The following LRP8 variants were observed in gnomAD, a reference collection of about 807,000 sequenced individuals.
The protein encoded by LRP8 is low-density lipoprotein receptor-related protein 8.
In LRP8, 46 loss-of-function variants were observed where a neutral mutation model predicts 111.6. The observed-to-expected ratio is 0.41, with a 90% CI of 0.33 to 0.53. The LOEUF is 0.53. Ranked by LOEUF, LRP8 falls within the 20% of genes least tolerant of loss-of-function variation. The pLI is 0.20. For synonymous variants in LRP8, 464 were observed against 511.2 expected, an observed-to-expected ratio of 0.91 and a Z score of 1.24; for missense variants, 959 against 1,297.4, an observed-to-expected ratio of 0.74 and a Z score of 4.01.
In LRP8 at chr1:53,321,920, T is replaced by C. The variant is rs146553874; in HGVS notation, c.244+4953A>G. ...GCCCTAGGCCTGTTTGACTCATTTC[T>C]TCCCCCAGCTCCTTTCCAAGCAGCT... On this transcript the variant is annotated intron_variant, in intron 2 of 18. Transcript: ENST00000306052. Among the ~76,000 whole-genome samples the C allele has an allele frequency of 5.9e-5, 9 of 152,270 alleles. No individual in the cohort carries two copies. In the East Asian group the frequency reaches 1.2e-3, roughly 20 times the overall value.
intron 2 of LRP8, among the ~76,000 whole-genome samples, chr1:53,291,024 T>G (rs1648647666): frequency 6.6e-6 from 1 of 152,052 alleles, no homozygotes; most frequent in African/African-American, 2.4e-5. Context: ...CAGAACAAGG[T>G]GAGGAAGAGA....
Position 53,266,330 on chromosome 1 carries a change from T to G in LRP8, c.1427+143A>C, listed in dbSNP as rs527356453. ...CCAGTAAAGTCCCAGAAGTTCCATA[T>G]CCACTGTGATCCTGCATCTCTTCCC... On this transcript the variant is annotated intron_variant, in intron 9 of 18. Transcript: ENST00000306052. The surrounding 1 kb of genome is among the most constrained non-coding windows in gnomAD (Gnocchi z 5.0). The G allele has an allele frequency of 2.5e-6, 2 of 800,132 alleles. No individual in the cohort carries two copies. Among genetic ancestry groups the G allele is most frequent in the Non-Finnish European group, 4.0e-6 (2 of 504,924 alleles). The allele number at this position is 800,132 out of a possible 1,614,324, so 49.6% of individuals were successfully genotyped here.
intron 2 of LRP8, among the ~76,000 whole-genome samples, chr1:53,323,321 C>A (rs564930478): frequency 3.9e-5 from 6 of 152,162 alleles, no homozygotes; most frequent in Non-Finnish European, 8.8e-5. Flanking sequence ...AATAGAGGAA[C>A]GAGGGGCGAT....
At chr1:53,319,547 C>T (rs573539850) in intron 2 of LRP8, among the ~76,000 whole-genome samples, 34 of 152,204 alleles carry the variant, frequency 2.2e-4, no homozygotes, top group Admixed American at 2.6e-4. Flanking sequence ...CAGCTAGGCC[C>T]GGCTCTCCCA....
chr1:53,244,894 G>A lies in LRP8; in HGVS notation c.*2124C>T. On this transcript the variant is annotated 3_prime_UTR_variant, in exon 19 of 19. Coordinates refer to ENST00000306052, the MANE Select transcript of LRP8 (RefSeq NM_004631.5). ...TCCGTTCTTAAAAGAATAGTAATATGTGAGTAAGCTCCATAGGAGTTGGCC... is the reference window on the plus strand; with the variant it reads ...TCCGTTCTTAAAAGAATAGTAATATATGAGTAAGCTCCATAGGAGTTGGCC... 6.6e-6 allele frequency: 1 copy of A among 152,168 alleles called. No individual in the cohort carries two copies. Among genetic ancestry groups the A allele is most frequent in the East Asian group, 1.9e-4 (1 of 5,196 alleles). The allele number at this position is 152,168 out of a possible 1,614,324, so 9.4% of individuals were successfully genotyped here.
chr1:53,304,347 C>A (rs1651550601), intron 2 of LRP8, among the ~76,000 whole-genome samples: 1 of 152,122 alleles, frequency 6.6e-6, no homozygotes, highest in African/African-American at 2.4e-5. Context: ...AAAGGCAGGC[C>A]CACGCGCAGC....
At chr1:53,316,934 A>G (rs1239990336) in intron 2 of LRP8, among the ~76,000 whole-genome samples, 1 of 152,022 alleles carries the variant, frequency 6.6e-6, no homozygotes, top group Non-Finnish European at 1.5e-5. Flanking sequence ...CCTGGTGGGG[A>G]GGCGGGGAGC....
chr1:53,327,124 G>A (rs1655244084), intron 1 of LRP8, 132 bp from the exon 2 acceptor site: 4 of 1,263,676 alleles, frequency 3.2e-6, no homozygotes, highest in African/African-American at 1.5e-5. Context: ...GGGGCTTCAG[G>A]CACACTCCAT....
Position 53,280,702 on chromosome 1 carries a change from A to G in LRP8, c.381T>C (p.Cys127=), listed in dbSNP as rs1228128260. 12 of 1,611,954 alleles carry G rather than the reference A, an allele frequency of 7.4e-6. No individual in the cohort carries two copies. Among genetic ancestry groups the G allele is most frequent in the Non-Finnish European group, 9.3e-6 (11 of 1,179,996 alleles). Residue 127 remains cysteine, a synonymous_variant, in exon 4 of 19, where the codon TGT becomes TGC. Transcript: ENST00000306052. ...ESEATCTKQV[C]PAEKLSCGPT... ...GTCCACAGCTCAGCTTCTCTGCAGGACACACCTGCTTGGCTGTGGAGACAG... is the reference window on the plus strand; with the variant it reads ...GTCCACAGCTCAGCTTCTCTGCAGGGCACACCTGCTTGGCTGTGGAGACAG...
chr1:53,327,236 C>T (rs12075098), intron 1 of LRP8: 2 of 544,486 alleles, frequency 3.7e-6, no homozygotes, highest in African/African-American at 3.8e-5. Flanking sequence ...CCTGGGTATA[C>T]CCTCCATTCA....
chr1:53,257,612 G>C, intron 14 of LRP8, 148 bp from the exon 15 acceptor site: 1 of 633,726 alleles, frequency 1.6e-6, no homozygotes, highest in Admixed American at 2.8e-5. Flanking sequence ...AGTGGGCTAT[G>C]ATCTTTTCTT....
intron 6 of LRP8, among the ~76,000 whole-genome samples, chr1:53,274,517 T>G (rs777602431): frequency 6.6e-6 from 1 of 152,202 alleles, no homozygotes; most frequent in Non-Finnish European, 1.5e-5. Context: ...TTTGTAGAGA[T>G]GTAGACCAGA....
chr1:53,268,948 C>A (rs1572490197), intron 8 of LRP8, among the ~76,000 whole-genome samples: 1 of 152,174 alleles, frequency 6.6e-6, no homozygotes, highest in Non-Finnish European at 1.5e-5. Context: ...AAGTGGTTTC[C>A]CTGCCTTCTC....
intron 8 of LRP8, chr1:53,267,312 TA>T (rs56136757): frequency 0.03 from 4,420 of 148,710 alleles, 83 homozygotes; most frequent in Non-Finnish European, 0.044. Flanking sequence ...AAAATAAAAA[TA>T]AAAAAAAAAT....
chr1:53,297,370 C>G (rs1233088548), intron 2 of LRP8, among the ~76,000 whole-genome samples: 1 of 152,220 alleles, frequency 6.6e-6, no homozygotes, highest in Non-Finnish European at 1.5e-5. Flanking sequence ...TCTCTGACTA[C>G]TCAAGGCTCG....
chr1:53,284,437 G>A (rs933332772), intron 3 of LRP8, among the ~76,000 whole-genome samples: 3 of 152,126 alleles, frequency 2.0e-5, no homozygotes, highest in South Asian at 2.1e-4. Context: ...GCGAGAGACC[G>A]AGCCTGGGTT....
Position 53,249,554 on chromosome 1 carries a change from T to G in LRP8, c.2679A>C (p.Ala893=). 6.3e-7 allele frequency: 1 copy of G among 1,595,738 alleles called. No individual in the cohort carries two copies. Among genetic ancestry groups the G allele is most frequent in the Middle Eastern group, 1.7e-4 (1 of 5,988 alleles). The change falls in exon 18 of 19, where the codon GCA becomes GCC. Residue 893 remains alanine, a splice_region_variant and synonymous_variant. Transcript: ENST00000306052. The surrounding 1 kb of genome is among the most constrained non-coding windows in gnomAD (Gnocchi z 4.1). The part of the protein sequence containing the change: ...TAQIGHVYPA[A]ISSFDRPLWA... The stretch of plus-strand genomic sequence containing the variant: ...ACAGTGGGCGATCAAAGCTGCTGAT[T>G]GCCTGACAGGGGGATGGCACTGTGG...
intron 8 of LRP8, chr1:53,267,417 A>G (rs2100395244): frequency 6.6e-6 from 1 of 152,320 alleles, no homozygotes; most frequent in South Asian, 2.1e-4. Context: ...GGCTGCAGTG[A>G]GCCATGATTG....
Position 53,266,405 on chromosome 1 carries a change from C to T in LRP8, c.1427+68G>A. On this transcript the variant is annotated intron_variant, in intron 9 of 18. Coordinates refer to ENST00000306052, the MANE Select transcript of LRP8 (RefSeq NM_004631.5). This position sits in a 1 kb window ranked among gnomAD's most constrained non-coding sequence, Gnocchi z 5.0. Reference sequence around the variant, plus strand: ...CTCTAGAGGCAGACACCACTCCTCCCCTCCTCACCTGTCACCACCCCTCAC... The same window carrying T: ...CTCTAGAGGCAGACACCACTCCTCCTCTCCTCACCTGTCACCACCCCTCAC... The T allele has an allele frequency of 3.3e-6, 5 of 1,535,090 alleles. No homozygotes were observed. The highest frequency in any genetic ancestry group is 3.6e-6 in the Non-Finnish European group (4 of 1,118,008).
Sources: gnomAD v4.1 joint callset for allele counts (sites outside exome capture counted in the v4.1 genomes callset) on GRCh38, gnomAD v4.1.1 for gene constraint, Gnocchi (gnomAD v3.1) non-coding constraint, MANE v1.5 for transcripts, NCBI Gene and HGNC (gene_info 2026-07-23, HGNC 2026-07-21) for gene names.